Variants in SANBR observed in about 807,000 individuals in gnomAD.
SANBR encodes the protein SANT and BTB domain regulator of CSR, also known as SANT and BTB domain regulator of class switch recombination.
Under a neutral mutation model 101.8 loss-of-function variants are expected in SANBR, and 77 were observed. The ratio of observed to expected loss-of-function variants is 0.76; its 90% CI spans 0.63 to 0.91. The LOEUF (loss-of-function observed/expected upper bound fraction) is 0.91, where lower values mean the gene tolerates loss of function less well. Among genes scored for constraint, SANBR ranks in the 40% least tolerant of loss-of-function variants. SANBR has a pLI of 0.00. For synonymous variants in SANBR, 279 were observed against 274.7 expected (o/e 1.02, Z -0.15); for missense variants, 875 against 853.0 (o/e 1.03, Z -0.32).
intron 13 of SANBR, among the ~76,000 whole-genome samples, chr2:61,106,281 C>T (rs570917329): frequency 2.0e-5 from 3 of 150,138 alleles, no homozygotes; most frequent in African/African-American, 7.4e-5. Flanking sequence ...ATCCCAGCTA[C>T]TCGGGAGGCT....
chr2:61,081,773 C>G (rs561329353), intron 7 of SANBR, among the ~76,000 whole-genome samples: 1 of 152,112 alleles, frequency 6.6e-6, no homozygotes. Flanking sequence ...CTCAGCCTCC[C>G]GAGTAGCTGG....
intron 20 of SANBR, among the ~76,000 whole-genome samples, chr2:61,133,069 T>C (rs1684737273): frequency 6.6e-6 from 1 of 152,044 alleles, no homozygotes; most frequent in African/African-American, 2.4e-5. Context: ...CTGGTCAACA[T>C]GATGAAAACC....
At chr2:61,105,897 C>T (rs1683538444) in intron 13 of SANBR, among the ~76,000 whole-genome samples, 2 of 151,980 alleles carry the variant, frequency 1.3e-5, no homozygotes, top group African/African-American at 4.8e-5. Flanking sequence ...GTCTCAATCT[C>T]CTGACCTCGT....
chr2:61,130,452 G>T (rs1428905644), intron 20 of SANBR, among the ~76,000 whole-genome samples: 2 of 151,966 alleles, frequency 1.3e-5, no homozygotes, highest in African/African-American at 2.4e-5. Flanking sequence ...ACTAGACAAA[G>T]GTATCACAAG....
intron 16 of SANBR, among the ~76,000 whole-genome samples, chr2:61,113,325 C>T (rs1406947634): frequency 1.3e-5 from 2 of 152,086 alleles, no homozygotes; most frequent in Admixed American, 6.5e-5. Flanking sequence ...GTTGCATTTT[C>T]TACAAATTTT....
At chr2:61,134,040 C>T in intron 20 of SANBR, 2 of 1,536,344 alleles carry the variant, frequency 1.3e-6, no homozygotes, top group South Asian at 2.4e-5. Flanking sequence ...CCAATTTATC[C>T]TAACAGCTAC....
rs35795015 is a variant in SANBR at position 61,102,365 on chromosome 2, C to CA, written c.1366-1461dup. Among the ~76,000 whole-genome samples the CA allele has an allele frequency of 4.9e-3, 291 of 59,338 alleles. 6 individuals are homozygous for CA. The highest frequency in any genetic ancestry group is 0.014 in the East Asian group (27 of 1,950). The allele number at this position is 59,338 out of a possible 152,430, so 38.9% of individuals were successfully genotyped here. ...CTAGCAACAGAGCAAGACTGTGTCT[C>CA]AAAAAAAAAAAAAAAAAAAAAAAAA... On this transcript the variant is annotated intron_variant, in intron 12 of 21. Coordinates refer to ENST00000402291, the MANE Select transcript of SANBR (RefSeq NM_001129993.3).
chr2:61,078,231 T>G (rs1681895696), intron 6 of SANBR, among the ~76,000 whole-genome samples: 1 of 152,198 alleles, frequency 6.6e-6, no homozygotes, highest in Non-Finnish European at 1.5e-5. Flanking sequence ...GAGAATTTTG[T>G]TATTAACGGA....
At chr2:61,110,495 C>T (rs1446196123) in intron 16 of SANBR, among the ~76,000 whole-genome samples, 5 of 152,176 alleles carry the variant, frequency 3.3e-5, no homozygotes, top group African/African-American at 1.2e-4. Context: ...GCCTGGCCAA[C>T]GTGGTGAAAC....
chr2:61,070,934 C>T (rs1029116004), intron 3 of SANBR, among the ~76,000 whole-genome samples: 4 of 151,588 alleles, frequency 2.6e-5, no homozygotes, highest in African/African-American at 9.7e-5. Context: ...GTTGCCCAGG[C>T]TGGTCTTGAA....
chr2:61,069,317 C>A (rs1681337698), intron 2 of SANBR, among the ~76,000 whole-genome samples: 1 of 152,142 alleles, frequency 6.6e-6, no homozygotes, highest in South Asian at 2.1e-4. Flanking sequence ...CCCTTTATTT[C>A]TTTCCACGCT....
chr2:61,130,376 T>C (rs1684650141), intron 20 of SANBR, among the ~76,000 whole-genome samples: 1 of 152,072 alleles, frequency 6.6e-6, no homozygotes. Context: ...ATATGAATAG[T>C]TCTATAACAA....
chr2:61,126,694 TG>T (rs1684523239), downstream of SANBR, among the ~76,000 whole-genome samples: 1 of 147,838 alleles, frequency 6.8e-6, no homozygotes, highest in African/African-American at 2.5e-5. Context: ...CCCAGCTACT[TG>T]GGAGGCTGCA....
rs188894785 is a variant in SANBR, at chr2:61,118,034, G to T, written c.1946G>T (p.Arg649Leu). 1.1e-5 allele frequency: 18 copies of T among 1,612,404 alleles called. No homozygotes were observed. The highest frequency in any genetic ancestry group is 2.5e-6 in the Non-Finnish European group (3 of 1,179,180). The change falls in exon 20 of 22, where the codon CGG becomes CTG. Residue 649 changes from arginine (R) to leucine (L), a missense_variant. Coordinates refer to ENST00000402291, the MANE Select transcript of SANBR (RefSeq NM_001129993.3). ...ACTGTTTTTTTCCCTTCAGATCAACGGCGAATGACTGAAATTACAGGGCAC... is the reference window on the plus strand; with the variant it reads ...ACTGTTTTTTTCCCTTCAGATCAACTGCGAATGACTGAAATTACAGGGCAC... The part of the protein sequence containing the change: ...NQDAQREDDQ[R>L]RMTEITGHLI...
At position 61,106,646 on chromosome 2, in the gene SANBR, C is replaced by T; in HGVS notation, c.1595C>T (p.Thr532Ile). ...LEPNTPWGPK[T>I]GELNAFLSLK... ...CCAAATACACCATGGGGTCCCAAAA[C>T]TGGGGAGCTCAATGCTGTGAGTAGT... is the stretch of plus-strand genomic sequence containing the variant. The change falls in exon 14 of 22, where the codon ACT (threonine) becomes ATT (isoleucine). Residue 532 changes from threonine to isoleucine, a missense_variant. By Grantham distance (89) the Thr-to-Ile change is moderately conservative. Coordinates refer to ENST00000402291, the MANE Select transcript of SANBR (RefSeq NM_001129993.3). The T allele has an allele frequency of 6.3e-7, 1 of 1,584,512 alleles. No homozygotes were observed. The highest frequency in any genetic ancestry group is 1.2e-5 in the South Asian group (1 of 85,298).
intron 5 of SANBR, among the ~76,000 whole-genome samples, chr2:61,076,296 A>G (rs1003085639): frequency 4.0e-5 from 6 of 150,324 alleles, no homozygotes; most frequent in Non-Finnish European, 8.9e-5. Flanking sequence ...TGCGGCCATA[A>G]ACTTTATTTT....
At chr2:61,113,955 T>G (rs1490302275) in intron 16 of SANBR, among the ~76,000 whole-genome samples, 2 of 152,246 alleles carry the variant, frequency 1.3e-5, no homozygotes, top group Non-Finnish European at 2.9e-5. Context: ...GAATAGGTGT[T>G]GCATTTTATC....
At chr2:61,104,714 G>A (rs1473928685) in intron 13 of SANBR, among the ~76,000 whole-genome samples, 2 of 151,670 alleles carry the variant, frequency 1.3e-5, no homozygotes, top group African/African-American at 4.8e-5. Context: ...TTCTGAAGTC[G>A]CGTTCATCAT....
intron 21 of SANBR, among the ~76,000 whole-genome samples, chr2:61,136,785 G>A (rs1684864103): frequency 6.6e-6 from 1 of 151,768 alleles, no homozygotes; most frequent in South Asian, 2.1e-4. Flanking sequence ...GCCTGGCCAA[G>A]ATGGTGAAAC....
Sources: gnomAD v4.1 joint callset for allele counts (sites outside exome capture counted in the v4.1 genomes callset) on GRCh38, gnomAD v4.1.1 for gene constraint, MANE v1.5 for transcripts, NCBI Gene and HGNC (gene_info 2026-07-23, HGNC 2026-07-21) for gene names.